The following CLPTM1L variants were observed in gnomAD, a reference collection of about 807,000 sequenced individuals.
The protein encoded by CLPTM1L is lipid scramblase CLPTM1L.
Under a neutral mutation model 70.9 loss-of-function variants are expected in CLPTM1L, and 38 were observed. That is an observed-to-expected ratio of 0.54 (90% CI 0.41 to 0.70). The LOEUF is 0.70. CLPTM1L is among the 30% of genes least tolerant of loss of function. The pLI is 0.00. For synonymous variants in CLPTM1L, 339 were observed against 299.9 expected (o/e 1.13, Z -1.35); for missense variants, 652 against 705.9 (o/e 0.92, Z 0.87).
Position 1,323,862 on chromosome 5 carries a change from T to G in CLPTM1L, c.1205A>C (p.Lys402Thr), listed in dbSNP as rs1197158210. The G allele has an allele frequency of 1.1e-5, 18 of 1,613,156 alleles. No homozygotes were observed. ...AGGGTACAGCAGGTATGACAAGTAC[T>G]TCATGGCCTGCAGGGAACAAAGATG... Reference protein sequence around the residue: ...KTEEYDTQAMKYLSYLLYPLC... With the variant: ...KTEEYDTQAMTYLSYLLYPLC... Residue 402 changes from lysine (K) to threonine (T), a missense_variant, in exon 12 of 17, where the codon AAG becomes ACG. This residue lies in a region of CLPTM1L where 240 missense variants were observed against 295.0 expected (regional missense o/e 0.81). Transcript: ENST00000320895.
chr5:1,328,972 T>TCCAGCTCCTCCTCTACAGACACATTC (rs1561237773), intron 9 of CLPTM1L, among the ~76,000 whole-genome samples: 2 of 148,348 alleles, frequency 1.3e-5, no homozygotes, highest in Admixed American at 7.2e-5. Flanking sequence ...CAGACACATT[T>TCCAGCTCCTCCTCTACAGACACATTC]CATACAGCTC....
Position 1,327,008 on chromosome 5 carries a change from C to G in CLPTM1L, c.1081-1192G>C, listed in dbSNP as rs149078739. 3.8e-3 allele frequency among the ~76,000 whole-genome samples: 571 copies of G among 151,186 alleles called. 8 individuals are homozygous for G. Among genetic ancestry groups the G allele is most frequent in the African/African-American group, 0.013 (529 of 40,728 alleles). ...CTCCACAGGGACATTTCATCCAGCT[C>G]CTCCTCTACAGGGACATTCCACCCA... On this transcript the variant is annotated intron_variant, in intron 9 of 16. Transcript: ENST00000320895.
At chr5:1,332,998 A>G (rs1290124976) in intron 7 of CLPTM1L, among the ~76,000 whole-genome samples, 1 of 146,602 alleles carries the variant, frequency 6.8e-6, no homozygotes, top group East Asian at 2.1e-4. Flanking sequence ...CGGGATGAGG[A>G]TAAGGGGGGA....
chr5:1,322,694 C>G, intron 13 of CLPTM1L, 183 bp downstream of exon 13: 1 of 681,580 alleles, frequency 1.5e-6, no homozygotes. Context: ...TGAAGCCACG[C>G]AGGGCTTTAT....
intron 7 of CLPTM1L, among the ~76,000 whole-genome samples, chr5:1,332,851 C>G (rs1371348742): frequency 1.3e-5 from 2 of 152,230 alleles, no homozygotes; most frequent in Admixed American, 6.5e-5. Context: ...ATTTGATACA[C>G]ATATTCAGAC....
intron 11 of CLPTM1L, chr5:1,324,125 TG>T: frequency 1.9e-6 from 1 of 529,744 alleles, no homozygotes; most frequent in Non-Finnish European, 3.4e-6. Context: ...CAATTCTGGT[TG>T]GTCAAAACCA....
At chr5:1,337,576 C>A (rs1380370327) in intron 5 of CLPTM1L, among the ~76,000 whole-genome samples, 1 of 152,256 alleles carries the variant, frequency 6.6e-6, no homozygotes, top group Non-Finnish European at 1.5e-5. Flanking sequence ...AGCTCACACG[C>A]AGACGCTGTT....
intron 1 of CLPTM1L, 78 bp from the exon 2 acceptor site, chr5:1,344,529 G>A (rs1754152016): frequency 6.7e-7 from 1 of 1,495,282 alleles, no homozygotes; most frequent in Non-Finnish European, 9.3e-7. Context: ...CCAGCTGGAG[G>A]GCGGAAGACC....
rs1003743843 is a variant in CLPTM1L at position 1,334,289 on chromosome 5, A to G, written c.891T>C (p.His297=). ...GCAAGCCCCCCGGTGGATGACTCAC[A>G]TGGAACGCTGCGACAAAGAAGGTCA... ...LALTFFVAAF[H]LLFDFLAFKN... Residue 297 remains histidine (H), a splice_region_variant and synonymous_variant, in exon 7 of 17, where the codon CAT becomes CAC. Coordinates refer to ENST00000320895, the MANE Select transcript of CLPTM1L (RefSeq NM_030782.5). 13 of 1,612,936 alleles carry G rather than the reference A, an allele frequency of 8.1e-6. No individual in the cohort carries two copies. Among genetic ancestry groups the G allele is most frequent in the Non-Finnish European group, 1.1e-5 (13 of 1,179,170 alleles).
rs1455942044 is a variant in CLPTM1L at position 1,344,757 on chromosome 5, C to G, written c.85G>C (p.Gly29Arg). 19 of 1,604,702 alleles carry G rather than the reference C, an allele frequency of 1.2e-5. No individual in the cohort carries two copies. The highest frequency in any genetic ancestry group is 1.6e-5 in the Non-Finnish European group (19 of 1,176,602). ...YVVHTCWVMY[G>R]IVYTRPCSGD... ...GAGCACGGGCGGGTGTAGACGATGC[C>G]GTACATGACCCAGCAGGTGTGCACC... The change falls in exon 1 of 17, where the codon GGC (glycine) becomes CGC (arginine). Residue 29 changes from glycine to arginine, a missense_variant. Transcript: ENST00000320895.
chr5:1,327,729 A>T (rs868085182), intron 9 of CLPTM1L, among the ~76,000 whole-genome samples: 21 of 148,584 alleles, frequency 1.4e-4, no homozygotes, highest in African/African-American at 2.0e-4. Context: ...CATTTCATCC[A>T]GCTCCTCCTC....
At chr5:1,320,936 C>T (rs552342334) in intron 15 of CLPTM1L, among the ~76,000 whole-genome samples, 23 of 152,352 alleles carry the variant, frequency 1.5e-4, no homozygotes, top group African/African-American at 5.3e-4. Context: ...CTGCTGGCAC[C>T]CGACACACTG....
At chr5:1,323,188 C>A (rs1752263809) in intron 12 of CLPTM1L, among the ~76,000 whole-genome samples, 1 of 150,442 alleles carries the variant, frequency 6.6e-6, no homozygotes, top group South Asian at 2.1e-4. Context: ...CTCCAGGACC[C>A]CTCTCAGCTC....
chr5:1,333,348 A>G (rs78991938), intron 7 of CLPTM1L, among the ~76,000 whole-genome samples: 7 of 78,214 alleles, frequency 8.9e-5, no homozygotes, highest in Non-Finnish European at 1.2e-4. Flanking sequence ...TATACACACC[A>G]CATGAGGATA....
intron 13 of CLPTM1L, 95 bp from the exon 14 acceptor site, chr5:1,321,914 C>T (rs1251224289): frequency 2.7e-6 from 3 of 1,124,026 alleles, no homozygotes; most frequent in African/African-American, 1.5e-5. Flanking sequence ...GGCCGAGCTG[C>T]CACGTCTATG....
chr5:1,317,988 CGT>C lies in CLPTM1L; in HGVS notation c.*379_*380del. ...GAGTCCATGCGGAATGAATTCCATA[CGT>C]GTTTGAAATTCACATAAGGAGCACT... On this transcript the variant is annotated 3_prime_UTR_variant, in exon 17 of 17. Transcript: ENST00000320895. 1 of 214,232 alleles carries C rather than the reference CGT, an allele frequency of 4.7e-6. No homozygotes were observed. Among genetic ancestry groups the C allele is most frequent in the Non-Finnish European group, 9.1e-6 (1 of 109,340 alleles). 13.3% of individuals were successfully genotyped at this position (214,232 alleles called of 1,614,324 possible).
chr5:1,325,258 C>T (rs1461033551), intron 10 of CLPTM1L: 2 of 249,842 alleles, frequency 8.0e-6, no homozygotes, highest in African/African-American at 2.2e-5. Flanking sequence ...TGCTGAGGGC[C>T]CCGCCTCAAT....
At chr5:1,331,482 G>A (rs763777286) in intron 8 of CLPTM1L, 92 of 438,312 alleles carry the variant, frequency 2.1e-4, no homozygotes, top group Non-Finnish European at 3.2e-4. Context: ...ATGAGCAGCC[G>A]GGAAGGCTCG....
intron 4 of CLPTM1L, among the ~76,000 whole-genome samples, chr5:1,338,481 G>C (rs1753726372): frequency 6.6e-6 from 1 of 152,194 alleles, no homozygotes; most frequent in Non-Finnish European, 1.5e-5. Flanking sequence ...TCCAATAATT[G>C]TATTTAACTG....
Sources: allele counts gnomAD v4.1 joint callset (sites outside exome capture counted in the v4.1 genomes callset), GRCh38; gene constraint gnomAD v4.1.1; regional missense constraint gnomAD v4.1.1; transcripts MANE v1.5; gene names NCBI Gene and HGNC (gene_info 2026-07-23, HGNC 2026-07-21).